Variants in DSCAML1 observed in about 807,000 individuals in gnomAD.
The protein encoded by DSCAML1 is cell adhesion molecule DSCAML1.
In DSCAML1, 38 loss-of-function variants were observed where a neutral mutation model predicts 200.5. The ratio of observed to expected loss-of-function variants is 0.19; its 90% CI spans 0.15 to 0.25. The LOEUF (loss-of-function observed/expected upper bound fraction) is 0.25. Among genes scored for constraint, DSCAML1 ranks in the 10% least tolerant of loss-of-function variants. The pLI, the probability that DSCAML1 is intolerant of heterozygous loss-of-function variation, is 1.00. For synonymous variants in DSCAML1, 1,215 were observed against 1,165.0 expected, an observed-to-expected ratio of 1.04 and a Z score of -0.87; for missense variants, 2,223 against 2,858.8, an observed-to-expected ratio of 0.78 and a Z score of 5.07.
chr11:117,583,627 C>T (rs2051085363), intron 3 of DSCAML1, among the ~76,000 whole-genome samples: 1 of 152,288 alleles, frequency 6.6e-6, no homozygotes, highest in East Asian at 1.9e-4. Context: ...GGTCTGCCCT[C>T]CCCCCATCAG....
chr11:117,531,010 A>G (rs2050067509), intron 4 of DSCAML1, among the ~76,000 whole-genome samples: 1 of 152,204 alleles, frequency 6.6e-6, no homozygotes, highest in Non-Finnish European at 1.5e-5. Flanking sequence ...AATCAGAATT[A>G]GATAGAATAG....
At chr11:117,725,078 T>C (rs2137804146) in intron 3 of DSCAML1, among the ~76,000 whole-genome samples, 1 of 152,252 alleles carries the variant, frequency 6.6e-6, no homozygotes, top group East Asian at 1.9e-4. Context: ...TGGAAAGCAC[T>C]AAAAATAGGA....
chr11:117,474,596 A>G (rs1220908702), intron 14 of DSCAML1, among the ~76,000 whole-genome samples: 1 of 151,860 alleles, frequency 6.6e-6, no homozygotes, highest in Non-Finnish European at 1.5e-5. Flanking sequence ...TTCAAACTCA[A>G]CCTGTCCAAG....
At chr11:117,577,577 T>G (rs1172388198) in intron 3 of DSCAML1, among the ~76,000 whole-genome samples, 1 of 143,590 alleles carries the variant, frequency 7.0e-6, no homozygotes, top group South Asian at 2.3e-4. Flanking sequence ...TTTCCTTTCT[T>G]TTTTTTTTTG....
chr11:117,573,250 G>C (rs2050876512), intron 3 of DSCAML1, among the ~76,000 whole-genome samples: 1 of 152,220 alleles, frequency 6.6e-6, no homozygotes. Flanking sequence ...GCAAGCTCAG[G>C]TCCAGCTTTC....
Position 117,746,221 on chromosome 11 carries a change from C to CAAAAAAAA in DSCAML1, c.511+30562_511+30569dup, listed in dbSNP as rs34362262. ...TGGGCATCAGAGCGAGACTCTGTCT[C>CAAAAAAAA]AAAAAAAAAAAAAAAAAAAAAAAAG... On this transcript the variant is annotated intron_variant, in intron 3 of 32. Coordinates refer to ENST00000651296, the MANE Select transcript of DSCAML1 (RefSeq NM_020693.4). Among the ~76,000 whole-genome samples, 20 of 66,802 alleles carry CAAAAAAAA rather than the reference C, an allele frequency of 3.0e-4. 1 individual carries two copies. The highest frequency in any genetic ancestry group is 1.3e-3 in the African/African-American group (19 of 14,208). The allele number at this position is 66,802 out of a possible 152,430, so 43.8% of individuals were successfully genotyped here. A position where few individuals can be genotyped will look rare whatever the true frequency, so the allele number is the denominator to read the frequency against.
At chr11:117,524,752 C>T in intron 5 of DSCAML1, 53 bp downstream of exon 5, 2 of 1,536,890 alleles carry the variant, frequency 1.3e-6, no homozygotes, top group Non-Finnish European at 1.8e-6. Flanking sequence ...CCCCCGACCC[C>T]TGAGGCGCCC....
intron 1 of DSCAML1, among the ~76,000 whole-genome samples, chr11:117,782,326 C>T (rs573965402): frequency 1.3e-3 from 200 of 152,318 alleles, no homozygotes; most frequent in African/African-American, 4.5e-3. Flanking sequence ...CATTAGCAGA[C>T]GTGCTGGAAA....
rs503281 is a variant in DSCAML1, at chr11:117,560,256, C to T, written c.512-27734G>A. 9.2e-5 allele frequency among the ~76,000 whole-genome samples: 14 copies of T among 152,136 alleles called. No individual in the cohort carries two copies. The East Asian group carries it at 9.7e-4, about 11-fold the overall frequency. On this transcript the variant is annotated intron_variant, in intron 3 of 32. Transcript: ENST00000651296. ...CCTACTTTGTCCAGGTACTATGCTA[C>T]GGTTTTGGATACAGTATCTTATTTA... is the stretch of plus-strand genomic sequence containing the variant.
chr11:117,674,786 GTC>G (rs1309808753), intron 3 of DSCAML1, among the ~76,000 whole-genome samples: 1 of 152,080 alleles, frequency 6.6e-6, no homozygotes, highest in Non-Finnish European at 1.5e-5. Flanking sequence ...TGTGTTCAGA[GTC>G]TCTCTGCTGC....
intron 1 of DSCAML1, among the ~76,000 whole-genome samples, chr11:117,791,906 C>T (rs1405978238): frequency 6.6e-6 from 1 of 152,178 alleles, no homozygotes; most frequent in African/African-American, 2.4e-5. Context: ...ACTTGATATG[C>T]ATTATCTTCT....
At chr11:117,720,657 G>A (rs1647389594) in intron 3 of DSCAML1, among the ~76,000 whole-genome samples, 1 of 152,250 alleles carries the variant, frequency 6.6e-6, no homozygotes, top group African/African-American at 2.4e-5. Flanking sequence ...TCTTGGACTT[G>A]AGTCAGCCAG....
intron 3 of DSCAML1, among the ~76,000 whole-genome samples, chr11:117,747,668 C>T (rs1012968627): frequency 3.3e-5 from 5 of 152,226 alleles, no homozygotes; most frequent in African/African-American, 1.2e-4. Context: ...CTACCTGAGT[C>T]AGGGACCTTG....
intron 20 of DSCAML1, among the ~76,000 whole-genome samples, chr11:117,449,211 C>T (rs2048236807): frequency 6.6e-6 from 1 of 152,054 alleles, no homozygotes; most frequent in African/African-American, 2.4e-5. Flanking sequence ...GAGGGGCAGG[C>T]GGGAGCTGGA....
intron 3 of DSCAML1, among the ~76,000 whole-genome samples, chr11:117,744,515 G>C (rs1223767342): frequency 6.6e-6 from 1 of 152,236 alleles, no homozygotes; most frequent in African/African-American, 2.4e-5. Context: ...AAGAAGCCTG[G>C]ATTCCTGGAG....
Position 117,780,045 on chromosome 11 carries a change from T to G in DSCAML1, c.364+448A>C, listed in dbSNP as rs1334631940. Among the ~76,000 whole-genome samples the G allele has an allele frequency of 6.6e-6, 1 of 151,518 alleles. No homozygotes were observed. The highest frequency in any genetic ancestry group is 1.5e-5 in the Non-Finnish European group (1 of 67,932). ...CAGAGGTAGGTACTTGCATCCACTTTGCAGATGGGAAAACTGAGGCTTAGG... is the reference window on the plus strand; with the variant it reads ...CAGAGGTAGGTACTTGCATCCACTTGGCAGATGGGAAAACTGAGGCTTAGG... On this transcript the variant is annotated intron_variant, in intron 2 of 32. Transcript: ENST00000651296. The surrounding 1 kb of genome is among the most constrained non-coding windows in gnomAD (Gnocchi z 4.8).
intron 3 of DSCAML1, among the ~76,000 whole-genome samples, chr11:117,659,790 C>A (rs941375872): frequency 6.6e-6 from 1 of 152,066 alleles, no homozygotes; most frequent in African/African-American, 2.4e-5. Context: ...GCAGTCTCAG[C>A]TCACTGCAAC....
intron 3 of DSCAML1, among the ~76,000 whole-genome samples, chr11:117,688,613 C>T (rs778926661): frequency 6.6e-6 from 1 of 152,164 alleles, no homozygotes; most frequent in Non-Finnish European, 1.5e-5. Flanking sequence ...CAAGGACATG[C>T]TGTGTGACCT....
intron 19 of DSCAML1, among the ~76,000 whole-genome samples, chr11:117,452,779 A>C (rs2048304940): frequency 6.6e-6 from 1 of 151,940 alleles, no homozygotes; most frequent in African/African-American, 2.4e-5. Flanking sequence ...GTCTTTCACT[A>C]CTTTTAGTGG....
Sources: allele counts gnomAD v4.1 joint callset (sites outside exome capture counted in the v4.1 genomes callset), GRCh38; gene constraint gnomAD v4.1.1; non-coding constraint Gnocchi (gnomAD v3.1); transcripts MANE v1.5; gene names NCBI Gene and HGNC (gene_info 2026-07-23, HGNC 2026-07-21).